Variants in MALRD1 observed in about 807,000 individuals in gnomAD.
MALRD1 encodes MAM and LDL receptor class A domain containing 1.
In MALRD1, 247 loss-of-function variants were observed where a neutral mutation model predicts 242.1. The ratio of observed to expected loss-of-function variants is 1.02; its 90% confidence interval spans 0.92 to 1.13. The LOEUF is 1.13. MALRD1 is among the 50% of genes most tolerant of loss of function. The probability of loss-of-function intolerance (pLI) is 0.00; values close to 1 mark genes in which losing one functional copy is unlikely to be tolerated. For synonymous variants in MALRD1, 995 were observed against 866.6 expected (o/e 1.15, Z -2.60); for missense variants, 2,989 against 2,533.1 (o/e 1.18, Z -3.86).
chr10:19,279,766 A>G (rs1165912013), intron 19 of MALRD1, among the ~76,000 whole-genome samples: 5 of 152,226 alleles, frequency 3.3e-5, no homozygotes, highest in Non-Finnish European at 7.4e-5. Flanking sequence ...CTGATTCTCT[A>G]AGCCCTGGCC....
intron 28 of MALRD1, among the ~76,000 whole-genome samples, chr10:19,423,759 T>G (rs773895974): frequency 1.3e-4 from 20 of 152,098 alleles, no homozygotes; most frequent in Admixed American, 7.2e-4. Context: ...CGTGTAAAAT[T>G]GGCAGATTCA....
intron 36 of MALRD1, among the ~76,000 whole-genome samples, chr10:19,616,278 C>G (rs1026231280): frequency 6.6e-6 from 1 of 151,724 alleles, no homozygotes; most frequent in Non-Finnish European, 1.5e-5. Context: ...TCTGTATTTT[C>G]TCTTTTCATT....
At chr10:19,561,197 TG>T (rs1229339813) in intron 32 of MALRD1, among the ~76,000 whole-genome samples, 1 of 152,200 alleles carries the variant, frequency 6.6e-6, no homozygotes, top group African/African-American at 2.4e-5. Context: ...ATACATTGTA[TG>T]ATTTCTATTC....
intron 21 of MALRD1, chr10:19,290,508 C>CA (rs1262533974): frequency 6.6e-6 from 1 of 152,126 alleles, no homozygotes; most frequent in African/African-American, 2.4e-5. Flanking sequence ...CATTCAATGA[C>CA]AATATCATCA....
chr10:19,673,757 C>CT (rs1021365192), intron 36 of MALRD1, among the ~76,000 whole-genome samples: 2 of 151,948 alleles, frequency 1.3e-5, no homozygotes, highest in African/African-American at 4.8e-5. Flanking sequence ...GTTTCTGTTA[C>CT]TTTTTTATGA....
At chr10:19,134,288 T>C (rs1833240334) in intron 9 of MALRD1, among the ~76,000 whole-genome samples, 1 of 152,186 alleles carries the variant, frequency 6.6e-6, no homozygotes, top group African/African-American at 2.4e-5. Context: ...CTTAGTAGAG[T>C]ATAGGCAAAT....
intron 29 of MALRD1, among the ~76,000 whole-genome samples, chr10:19,470,406 T>C (rs1224305346): frequency 6.6e-6 from 1 of 152,044 alleles, no homozygotes; most frequent in Non-Finnish European, 1.5e-5. Context: ...CGATACCAGG[T>C]GTAAATATCT....
chr10:19,673,828 T>A (rs780246627), intron 36 of MALRD1, among the ~76,000 whole-genome samples: 18 of 151,930 alleles, frequency 1.2e-4, no homozygotes, highest in Non-Finnish European at 2.1e-4. Context: ...TATTGATATA[T>A]CTATTTTAAT....
chr10:19,508,922 G>T (rs967068816), intron 31 of MALRD1, among the ~76,000 whole-genome samples: 1 of 152,138 alleles, frequency 6.6e-6, no homozygotes, highest in Non-Finnish European at 1.5e-5. Flanking sequence ...TAACTTTGAA[G>T]ATGAGTAGTC....
At chr10:19,530,024 T>C (rs1292984734) in intron 31 of MALRD1, among the ~76,000 whole-genome samples, 1 of 151,948 alleles carries the variant, frequency 6.6e-6, no homozygotes, top group African/African-American at 2.4e-5. Context: ...CCAAGTTATT[T>C]TGTAGATATT....
intron 32 of MALRD1, among the ~76,000 whole-genome samples, chr10:19,559,339 A>G (rs947014426): frequency 6.6e-6 from 1 of 151,882 alleles, no homozygotes; most frequent in African/African-American, 2.4e-5. Flanking sequence ...TAGCAATTTT[A>G]TTAGTCTTTT....
intron 1 of MALRD1, among the ~76,000 whole-genome samples, chr10:19,056,353 C>T (rs1834666958): frequency 6.7e-6 from 1 of 149,788 alleles, no homozygotes; most frequent in East Asian, 2.0e-4. Flanking sequence ...AATTGTGTTT[C>T]CTTAAGTTTA....
chr10:19,261,446 T>TAAAAAA (rs531115191), intron 19 of MALRD1, among the ~76,000 whole-genome samples: 117 of 135,032 alleles, frequency 8.7e-4, no homozygotes, highest in African/African-American at 1.7e-3. Context: ...GAGCTCTACG[T>TAAAAAA]AAAAAAAAAA....
intron 2 of MALRD1, among the ~76,000 whole-genome samples, 163 bp from the exon 3 acceptor site, chr10:19,087,677 A>G (rs974161097): frequency 1.4e-4 from 22 of 152,000 alleles, no homozygotes; most frequent in African/African-American, 5.1e-4. Flanking sequence ...TCCCCTAAGC[A>G]TTGATCTTTT....
rs1833220253 is a variant in MALRD1 at position 19,133,958 on chromosome 10, A to G, written c.1203+10A>G. The G allele has an allele frequency of 8.3e-6, 7 of 840,202 alleles. No individual in the cohort carries two copies. The highest frequency in any genetic ancestry group is 1.1e-5 in the Non-Finnish European group (7 of 660,086). 52.0% of individuals were successfully genotyped at this position (840,202 alleles called of 1,614,324 possible). A position where few individuals can be genotyped will look rare whatever the true frequency, so the allele number is the denominator to read the frequency against. Reference sequence around the variant, plus strand: ...TCTGAAGACATTTAAGGTATGAAAGAAAAAAAAAAAGTATTTTTTTATCAT... The same window carrying G: ...TCTGAAGACATTTAAGGTATGAAAGGAAAAAAAAAAGTATTTTTTTATCAT... On this transcript the variant is annotated intron_variant, in intron 9 of 39. Transcript: ENST00000454679.
intron 12 of MALRD1, among the ~76,000 whole-genome samples, chr10:19,156,879 G>T (rs1834168809): frequency 6.6e-6 from 1 of 152,030 alleles, no homozygotes; most frequent in Non-Finnish European, 1.5e-5. Context: ...TTTAGGTGGG[G>T]TCTCAGTGAA....
intron 24 of MALRD1, among the ~76,000 whole-genome samples, chr10:19,343,220 GATATTA>G (rs1843962076): frequency 6.6e-6 from 1 of 152,036 alleles, no homozygotes; most frequent in African/African-American, 2.4e-5. Flanking sequence ...ATCAGCAAGT[GATATTA>G]ATATTTTTAG....
chr10:19,178,918 A>G lies in MALRD1; in HGVS notation c.1951+3590A>G, dbSNP rs942852310. 5.9e-5 allele frequency among the ~76,000 whole-genome samples: 9 copies of G among 152,218 alleles called. No homozygotes were observed. The South Asian group carries it at 1.2e-3, about 21-fold the overall frequency. The stretch of plus-strand genomic sequence containing the variant: ...TAAAGTGCACACTACTCAAGTGAGC[A>G]TTGTATGATGAAGACAGTCAGAACA... On this transcript the variant is annotated intron_variant, in intron 14 of 39. Transcript: ENST00000454679.
Position 19,352,233 on chromosome 10 carries a change from T to G in MALRD1, c.4377T>G (p.Leu1459=). The G allele has an allele frequency of 6.4e-7, 1 of 1,550,436 alleles. No homozygotes were observed. Among genetic ancestry groups the G allele is most frequent in the Non-Finnish European group, 8.7e-7 (1 of 1,146,872 alleles). The change falls in exon 26 of 40, where the codon CTT becomes CTG. Residue 1459 remains leucine (L), a synonymous_variant. Transcript: ENST00000454679. The part of the protein sequence containing the change: ...RGDIALDDIV[L]TENCLSLHDS... ...ACATTGCACTTGATGACATTGTGCT[T>G]ACAGAAAATTGTCTATCACTCCATG...
Sources: gnomAD v4.1 joint callset for allele counts (sites outside exome capture counted in the v4.1 genomes callset) on GRCh38, gnomAD v4.1.1 for gene constraint, MANE v1.5 for transcripts, NCBI Gene and HGNC (gene_info 2026-07-23, HGNC 2026-07-21) for gene names.